The following HHLA2 variants were observed in gnomAD, a reference collection of about 807,000 sequenced individuals.
HHLA2 encodes HERV-H LTR-associating protein 2.
Under a neutral mutation model 45.9 loss-of-function variants are expected in HHLA2, and 48 were observed. That is an observed-to-expected ratio of 1.05 (90% confidence interval 0.83 to 1.33). The LOEUF (loss-of-function observed/expected upper bound fraction) is 1.33. HHLA2 is among the 40% of genes most tolerant of loss of function. HHLA2 has a pLI of 0.00. For missense variants in HHLA2, 462 were observed against 494.3 expected (o/e 0.93, Z 0.62); for synonymous variants, 161 against 173.9 (o/e 0.93, Z 0.59).
intron 7 of HHLA2, among the ~76,000 whole-genome samples, chr3:108,362,047 C>T (rs1357898922): frequency 6.6e-6 from 1 of 152,148 alleles, no homozygotes; most frequent in Non-Finnish European, 1.5e-5. Context: ...CCCCCACCTC[C>T]ACCAATCTCC....
exon 3 of HHLA2, chr3:108,328,281 A>C: frequency 6.6e-7 from 1 of 1,507,136 alleles, no homozygotes; most frequent in South Asian, 1.3e-5. Context: ...ATGTAGGAGA[A>C]TACTAACCCT....
At chr3:108,318,074 A>G (rs912782375) in intron 2 of HHLA2, among the ~76,000 whole-genome samples, 2 of 151,608 alleles carry the variant, frequency 1.3e-5, no homozygotes, top group African/African-American at 2.4e-5. Flanking sequence ...CCAGCTACTC[A>G]GGAGGCTGAG....
At chr3:108,370,388 A>T (rs2082149029) in intron 8 of HHLA2, among the ~76,000 whole-genome samples, 1 of 152,216 alleles carries the variant, frequency 6.6e-6, no homozygotes, top group Non-Finnish European at 1.5e-5. Flanking sequence ...AAAACAGAGC[A>T]GAAAAACTGG....
At chr3:108,304,217 T>C (rs149857278) in intron 1 of HHLA2, among the ~76,000 whole-genome samples, 7 of 152,294 alleles carry the variant, frequency 4.6e-5, no homozygotes, top group African/African-American at 1.7e-4. Context: ...AGAAGAAAGA[T>C]TTCTCTCCAA....
Position 108,304,622 on chromosome 3 carries a change from G to A in HHLA2, c.-191-6033G>A, listed in dbSNP as rs558501867. ...GATGTGAAATTTTGAAGAACAACCA[G>A]TCGATCCACTACAAATATATTAGAA... On this transcript the variant is annotated intron_variant, in intron 1 of 10. Transcript: ENST00000619531. Among the ~76,000 whole-genome samples the A allele has an allele frequency of 6.6e-5, 10 of 152,270 alleles. No homozygotes were observed. The East Asian group carries it at 1.9e-3, about 29-fold the overall frequency.
intron 3 of HHLA2, among the ~76,000 whole-genome samples, chr3:108,334,504 T>C (rs2081438660): frequency 6.6e-6 from 1 of 152,230 alleles, no homozygotes; most frequent in Non-Finnish European, 1.5e-5. Flanking sequence ...CACTTGGCTC[T>C]CCTATTGTAA....
intron 2 of HHLA2, chr3:108,326,213 T>G: frequency 4.4e-6 from 1 of 225,680 alleles, no homozygotes; most frequent in Non-Finnish European, 8.9e-6. Context: ...AACTCTTCCA[T>G]CCACCTTGTA....
chr3:108,360,581 A>C (rs558650006), intron 7 of HHLA2, among the ~76,000 whole-genome samples: 1 of 152,246 alleles, frequency 6.6e-6, no homozygotes, highest in Admixed American at 6.5e-5. Context: ...AGTCAGTCTG[A>C]TAACTGAGAT....
chr3:108,351,453 A>T (rs972634053), intron 3 of HHLA2, among the ~76,000 whole-genome samples: 2 of 152,238 alleles, frequency 1.3e-5, no homozygotes, highest in Non-Finnish European at 2.9e-5. Flanking sequence ...TTCAAGAGCC[A>T]TGTTTCAGCA....
At chr3:108,325,548 T>A (rs1576120439) in intron 2 of HHLA2, 3 of 268,400 alleles carry the variant, frequency 1.1e-5, no homozygotes, top group East Asian at 2.0e-4. Context: ...ATCATAGCCA[T>A]CTTGGTTTTG....
intron 2 of HHLA2, among the ~76,000 whole-genome samples, chr3:108,319,038 A>C (rs1474344530): frequency 6.6e-6 from 1 of 152,050 alleles, no homozygotes; most frequent in Non-Finnish European, 1.5e-5. Flanking sequence ...CCTTGTTCCT[A>C]TGCTCTTTCT....
intron 2 of HHLA2, among the ~76,000 whole-genome samples, chr3:108,313,456 T>C (rs962669348): frequency 2.0e-5 from 3 of 152,164 alleles, no homozygotes; most frequent in Non-Finnish European, 2.9e-5. Context: ...GAGCATTTAT[T>C]CATCCTCTCC....
intron 1 of HHLA2, among the ~76,000 whole-genome samples, chr3:108,307,797 C>T (rs2080955058): frequency 6.6e-6 from 1 of 152,118 alleles, no homozygotes; most frequent in South Asian, 2.1e-4. Flanking sequence ...CCAGTAACTT[C>T]CTTTTTCTGT....
chr3:108,359,511 G>A (rs2081953457), intron 7 of HHLA2, among the ~76,000 whole-genome samples: 1 of 152,300 alleles, frequency 6.6e-6, no homozygotes, highest in Non-Finnish European at 1.5e-5. Context: ...GCTACAACAA[G>A]ATGGGGGGTA....
chr3:108,315,960 T>A (rs1348407114), intron 2 of HHLA2, among the ~76,000 whole-genome samples: 2 of 152,158 alleles, frequency 1.3e-5, no homozygotes, highest in African/African-American at 4.8e-5. Flanking sequence ...TAAGGAACAT[T>A]TGAAATGTCA....
chr3:108,321,770 T>G (rs758724596), intron 2 of HHLA2, among the ~76,000 whole-genome samples: 16 of 152,138 alleles, frequency 1.1e-4, no homozygotes, highest in Non-Finnish European at 1.8e-4. Flanking sequence ...CTAGATTTTT[T>G]AGAGTTGTCA....
intron 4 of HHLA2, among the ~76,000 whole-genome samples, chr3:108,352,914 T>A (rs1185838532): frequency 6.6e-6 from 1 of 152,218 alleles, no homozygotes; most frequent in African/African-American, 2.4e-5. Flanking sequence ...TTAGATCTAG[T>A]GTACAGATAT....
At chr3:108,324,504 G>A (rs2081256158) in intron 2 of HHLA2, among the ~76,000 whole-genome samples, 1 of 152,086 alleles carries the variant, frequency 6.6e-6, no homozygotes, top group Admixed American at 6.6e-5. Flanking sequence ...TAACCACCTG[G>A]TTTGCCAGGC....
intron 2 of HHLA2, among the ~76,000 whole-genome samples, chr3:108,325,128 T>C (rs2081265600): frequency 6.6e-6 from 1 of 151,704 alleles, no homozygotes; most frequent in Non-Finnish European, 1.5e-5. Flanking sequence ...TTTATATATT[T>C]AAAATCTTAT....
Sources: allele counts gnomAD v4.1 joint callset (sites outside exome capture counted in the v4.1 genomes callset), GRCh38; gene constraint gnomAD v4.1.1; transcripts MANE v1.5; gene names NCBI Gene and HGNC (gene_info 2026-07-23, HGNC 2026-07-21).